Variants in PHF14 observed in about 807,000 individuals in gnomAD.
The protein encoded by PHF14 is PHD finger protein 14.
Under a neutral mutation model 117.9 loss-of-function variants are expected in PHF14, and 55 were observed. That is an observed-to-expected ratio of 0.47 (90% confidence interval 0.38 to 0.58). PHF14 has a LOEUF of 0.58. Among genes scored for constraint, PHF14 ranks in the 20% least tolerant of loss-of-function variants. The pLI is 0.00. For missense variants in PHF14, 978 were observed against 1,122.2 expected, an observed-to-expected ratio of 0.87 and a Z score of 1.84; for synonymous variants, 409 against 368.6, an observed-to-expected ratio of 1.11 and a Z score of -1.26.
At chr7:11,105,390 A>G in intron 16 of PHF14, 3 of 957,920 alleles carry the variant, frequency 3.1e-6, no homozygotes, top group Non-Finnish European at 3.7e-6. Flanking sequence ...GGTTTTAAAC[A>G]AAGTTACTTA....
intron 5 of PHF14, among the ~76,000 whole-genome samples, chr7:11,018,859 A>AT: frequency 6.6e-6 from 1 of 152,238 alleles, no homozygotes; most frequent in East Asian, 1.9e-4. Context: ...CCCATTCAGT[A>AT]CGATACTAGC....
At chr7:11,158,439 T>C (rs998071999) in intron 17 of PHF14, among the ~76,000 whole-genome samples, 1 of 152,148 alleles carries the variant, frequency 6.6e-6, no homozygotes, top group Non-Finnish European at 1.5e-5. Context: ...ATGATGTCAG[T>C]ATACATACTA....
chr7:10,991,759 A>ATTTTTTTTT (rs71023881), intron 4 of PHF14, among the ~76,000 whole-genome samples: 107 of 110,968 alleles, frequency 9.6e-4, no homozygotes, highest in East Asian at 1.3e-3. Context: ...TAATTTTTTA[A>ATTTTTTTTT]TTTTTTTTTT....
chr7:11,022,479 A>G (rs1436841105), intron 5 of PHF14, among the ~76,000 whole-genome samples: 3 of 152,172 alleles, frequency 2.0e-5, no homozygotes, highest in African/African-American at 7.2e-5. Flanking sequence ...TAATTCTCAA[A>G]GGGTTTGAAA....
Position 11,130,247 on chromosome 7 carries a change from A to G in PHF14, c.2772+18780A>G, listed in dbSNP as rs1216823401. On this transcript the variant is annotated intron_variant, in intron 17 of 17. Coordinates refer to ENST00000634607, the MANE Select transcript of PHF14 (RefSeq NM_001007157.2). The surrounding 1 kb of genome is among the most constrained non-coding windows in gnomAD (Gnocchi z 4.2). ...TATCACTCCAGGCCACATTCCTCAG[A>G]TGACGCAGTCAAACCTAACTTTAAG... is the stretch of plus-strand genomic sequence containing the variant. Among the ~76,000 whole-genome samples, 1 of 152,006 alleles carries G rather than the reference A, an allele frequency of 6.6e-6. No individual in the cohort carries two copies. Among genetic ancestry groups the G allele is most frequent in the Non-Finnish European group, 1.5e-5 (1 of 67,952 alleles).
intron 4 of PHF14, among the ~76,000 whole-genome samples, chr7:11,002,123 C>G (rs1782899856): frequency 6.6e-6 from 1 of 152,010 alleles, no homozygotes; most frequent in East Asian, 1.9e-4. Flanking sequence ...CGGCTCACTG[C>G]AACCTCTACC....
intron 4 of PHF14, among the ~76,000 whole-genome samples, chr7:10,995,352 G>A (rs117558820): frequency 0.024 from 3,619 of 150,828 alleles, 52 homozygotes; most frequent in Middle Eastern, 0.046. Context: ...CAAGCCTTGC[G>A]CTAGACACAG....
intron 17 of PHF14, among the ~76,000 whole-genome samples, chr7:11,145,823 T>C (rs2128352469): frequency 1.3e-5 from 2 of 152,176 alleles, no homozygotes; most frequent in Middle Eastern, 6.8e-3. Context: ...CTTTTAATTT[T>C]TTGCTCTTTT....
chr7:11,149,976 G>A (rs774449667), intron 17 of PHF14, among the ~76,000 whole-genome samples: 5 of 152,106 alleles, frequency 3.3e-5, no homozygotes, highest in Admixed American at 6.5e-5. Context: ...AATGTTTCTA[G>A]TGTGTGAGGC....
At chr7:10,983,199 A>G (rs781379938) in intron 3 of PHF14, 40 bp downstream of exon 3, 128 of 1,544,536 alleles carry the variant, frequency 8.3e-5, no homozygotes, top group Non-Finnish European at 1.1e-4. Context: ...GTCTGGGGAA[A>G]AGGGAATTCT....
chr7:11,098,549 C>T (rs1786964134), intron 16 of PHF14, among the ~76,000 whole-genome samples: 1 of 152,268 alleles, frequency 6.6e-6, no homozygotes, highest in South Asian at 2.1e-4. Context: ...CTCGTTTCCT[C>T]ACCTGATAAA....
At chr7:11,016,983 T>C (rs1260478173) in intron 5 of PHF14, among the ~76,000 whole-genome samples, 1 of 152,176 alleles carries the variant, frequency 6.6e-6, no homozygotes, top group Non-Finnish European at 1.5e-5. Context: ...ATCCCACAAA[T>C]AAGTGAGAAC....
rs1344248650 is a variant in PHF14, at chr7:11,002,241, G to C, written c.1045+11394G>C. Among the ~76,000 whole-genome samples, 3 of 152,120 alleles carry C rather than the reference G, an allele frequency of 2.0e-5. No individual in the cohort carries two copies. In the East Asian group the frequency reaches 5.8e-4, roughly 30 times the overall value. On this transcript the variant is annotated intron_variant, in intron 4 of 17. Coordinates refer to ENST00000634607, the MANE Select transcript of PHF14 (RefSeq NM_001007157.2). ...AGATGGGAAGGATCATCCTTTGAGAGACATTGGTTTAGAAGAAAGTAAAAA... is the reference window on the plus strand; with the variant it reads ...AGATGGGAAGGATCATCCTTTGAGACACATTGGTTTAGAAGAAAGTAAAAA...
chr7:11,036,426 C>T lies in PHF14; in HGVS notation c.1611C>T (p.Ile537=), dbSNP rs1784328550. The part of the protein sequence containing the change: ...KQLSPEAQAR[I]NARLQQYRAK... ...ATACATTTCTTTTATAGGCAAGGAT[C>T]AATGCCCGGCTTCAGCAGTATCGTG... Residue 537 remains isoleucine, a synonymous_variant, in exon 9 of 18, where the codon ATC becomes ATT. Transcript: ENST00000634607. The T allele has an allele frequency of 6.2e-7, 1 of 1,610,490 alleles. No homozygotes were observed. Among genetic ancestry groups the T allele is most frequent in the African/African-American group, 1.3e-5 (1 of 74,856 alleles).
At chr7:11,146,772 A>T (rs915301543) in intron 17 of PHF14, among the ~76,000 whole-genome samples, 1 of 152,174 alleles carries the variant, frequency 6.6e-6, no homozygotes, top group Non-Finnish European at 1.5e-5. Context: ...AGATGATGAA[A>T]CATGTTCTGT....
intron 2 of PHF14, among the ~76,000 whole-genome samples, chr7:10,976,708 C>A (rs1205945597): frequency 6.6e-6 from 1 of 151,604 alleles, no homozygotes; most frequent in Non-Finnish European, 1.5e-5. Context: ...CTTGTTAAAT[C>A]CTAATTATAG....
chr7:11,084,622 A>T (rs528141755), intron 16 of PHF14, among the ~76,000 whole-genome samples: 1 of 151,918 alleles, frequency 6.6e-6, no homozygotes, highest in African/African-American at 2.4e-5. Context: ...ATATTTCCCT[A>T]TTGAAAATTT....
rs967889918 is a variant in PHF14 at position 11,130,005 on chromosome 7, A to G, written c.2772+18538A>G. 2.0e-5 allele frequency among the ~76,000 whole-genome samples: 3 copies of G among 152,064 alleles called. No individual in the cohort carries two copies. Among genetic ancestry groups the G allele is most frequent in the Non-Finnish European group, 2.9e-5 (2 of 67,972 alleles). On this transcript the variant is annotated intron_variant, in intron 17 of 17. Coordinates refer to ENST00000634607, the MANE Select transcript of PHF14 (RefSeq NM_001007157.2). This position sits in a 1 kb window ranked among gnomAD's most constrained non-coding sequence, Gnocchi z 4.2. ...TAGGATATGCTAAGTTATGCAGCAA[A>G]AAAAAGAATCCCAAATTTTTAGTTG...
intron 16 of PHF14, among the ~76,000 whole-genome samples, chr7:11,069,715 C>CT (rs200795184): frequency 4.4e-5 from 6 of 137,426 alleles, no homozygotes; most frequent in East Asian, 4.6e-4. Flanking sequence ...CTTGTCTTTC[C>CT]TTTTTTTTTG....
Sources: allele counts gnomAD v4.1 joint callset (sites outside exome capture counted in the v4.1 genomes callset), GRCh38; gene constraint gnomAD v4.1.1; non-coding constraint Gnocchi (gnomAD v3.1); transcripts MANE v1.5; gene names NCBI Gene and HGNC (gene_info 2026-07-23, HGNC 2026-07-21).